Variants in ST8SIA2 observed in about 807,000 individuals in gnomAD.
ST8SIA2 encodes the protein alpha-2,8-sialyltransferase 8B.
ST8SIA2 carries 22 observed loss-of-function variants against 37.6 expected under a neutral mutation model. That is an observed-to-expected ratio of 0.58 (90% CI 0.42 to 0.83). ST8SIA2 has a LOEUF of 0.83. Among genes scored for constraint, ST8SIA2 ranks in the 40% least tolerant of loss-of-function variants. ST8SIA2 has a pLI of 0.00. For missense variants in ST8SIA2, 382 were observed against 484.7 expected (o/e 0.79, Z 1.99); for synonymous variants, 205 against 201.2 (o/e 1.02, Z -0.16).
chr15:92,402,784 C>T (rs2049480909), intron 1 of ST8SIA2, among the ~76,000 whole-genome samples: 1 of 152,186 alleles, frequency 6.6e-6, no homozygotes, highest in Non-Finnish European at 1.5e-5. Flanking sequence ...CTCACACCAG[C>T]TTCCCCGCAC....
rs1324143828 is a variant in ST8SIA2, at chr15:92,464,706, T to G, written c.*321T>G. The G allele has an allele frequency of 1.7e-5, 6 of 361,134 alleles. No individual in the cohort carries two copies. The highest frequency in any genetic ancestry group is 4.2e-5 in the Admixed American group (1 of 23,622). 22.4% of individuals were successfully genotyped at this position (361,134 alleles called of 1,614,324 possible). On this transcript the variant is annotated 3_prime_UTR_variant, in exon 6 of 6. Coordinates refer to ENST00000268164, the MANE Select transcript of ST8SIA2 (RefSeq NM_006011.4). ...ATGAAAAGAAGCCAGTCCCATGACTTTGGATGACAAACTGCCTCCTGGCTT... is the reference window on the plus strand; with the variant it reads ...ATGAAAAGAAGCCAGTCCCATGACTGTGGATGACAAACTGCCTCCTGGCTT...
chr15:92,435,460 A>T (rs1327965842), intron 3 of ST8SIA2, among the ~76,000 whole-genome samples: 1 of 152,106 alleles, frequency 6.6e-6, no homozygotes, highest in Non-Finnish European at 1.5e-5. Flanking sequence ...TTGGGACGAT[A>T]GGCAGGACCA....
intron 5 of ST8SIA2, among the ~76,000 whole-genome samples, chr15:92,463,499 T>C (rs901860658): frequency 6.6e-6 from 1 of 152,092 alleles, no homozygotes; most frequent in Non-Finnish European, 1.5e-5. Context: ...GAATCAGGAA[T>C]GCAGATCCGC....
intron 1 of ST8SIA2, among the ~76,000 whole-genome samples, chr15:92,396,902 C>T (rs1445583671): frequency 6.6e-6 from 1 of 152,222 alleles, no homozygotes; most frequent in Non-Finnish European, 1.5e-5. Context: ...GTCAAGAGGG[C>T]TCCGCCTTCC....
intron 5 of ST8SIA2, 123 bp downstream of exon 5, chr15:92,445,052 A>C: frequency 7.0e-7 from 1 of 1,429,752 alleles, no homozygotes; most frequent in Non-Finnish European, 9.7e-7. Flanking sequence ...GGATGGCCTC[A>C]GCAAGTCACC....
intron 5 of ST8SIA2, among the ~76,000 whole-genome samples, chr15:92,449,734 G>A (rs1240475719): frequency 1.3e-5 from 2 of 152,226 alleles, no homozygotes; most frequent in Non-Finnish European, 2.9e-5. Context: ...GTTTTGATTT[G>A]CATTTCTCTG....
intron 1 of ST8SIA2, among the ~76,000 whole-genome samples, chr15:92,399,100 C>G (rs769107385): frequency 2.0e-4 from 30 of 152,198 alleles, no homozygotes; most frequent in Non-Finnish European, 3.7e-4. Context: ...TAGGTATGAG[C>G]ATTCCAGACT....
At chr15:92,402,890 GA>G (rs2049482029) in intron 1 of ST8SIA2, among the ~76,000 whole-genome samples, 1 of 152,134 alleles carries the variant, frequency 6.6e-6, no homozygotes, top group African/African-American at 2.4e-5. Flanking sequence ...AGAGAGAAGA[GA>G]AAAACAACAC....
chr15:92,422,605 G>A (rs994986836), intron 1 of ST8SIA2: 1 of 152,598 alleles, frequency 6.6e-6, no homozygotes, highest in African/African-American at 2.4e-5. Flanking sequence ...ACTGTGTTGG[G>A]GTGACTGAAG....
chr15:92,421,641 A>C (rs899805334), intron 1 of ST8SIA2, among the ~76,000 whole-genome samples: 4 of 152,216 alleles, frequency 2.6e-5, no homozygotes, highest in Non-Finnish European at 5.9e-5. Context: ...TGATTTGTTC[A>C]GCTATAATTA....
intron 1 of ST8SIA2, among the ~76,000 whole-genome samples, chr15:92,424,698 G>A (rs1282864554): frequency 6.7e-6 from 1 of 150,348 alleles, no homozygotes; most frequent in East Asian, 1.9e-4. Context: ...TGCAACCTCT[G>A]CCTCCTGGGT....
intron 1 of ST8SIA2, among the ~76,000 whole-genome samples, chr15:92,418,314 AT>A (rs894114959): frequency 1.3e-5 from 2 of 151,506 alleles, no homozygotes; most frequent in African/African-American, 2.4e-5. Context: ...CAAAAAAAAA[AT>A]ATGGGGCATG....
chr15:92,447,236 A>G (rs1034345100), intron 5 of ST8SIA2, among the ~76,000 whole-genome samples: 2 of 152,178 alleles, frequency 1.3e-5, no homozygotes, highest in African/African-American at 4.8e-5. Context: ...AAAGAGAAAA[A>G]TCCAGGATGA....
chr15:92,463,570 T>G (rs2049971333), intron 5 of ST8SIA2, among the ~76,000 whole-genome samples: 1 of 152,204 alleles, frequency 6.6e-6, no homozygotes, highest in East Asian at 1.9e-4. Flanking sequence ...GCCAGTGGTT[T>G]CTCAGAGGTC....
intron 1 of ST8SIA2, among the ~76,000 whole-genome samples, chr15:92,404,281 T>C (rs2049491624): frequency 6.6e-6 from 1 of 152,218 alleles, no homozygotes; most frequent in Non-Finnish European, 1.5e-5. Context: ...CAGTCTTCAG[T>C]GGAACACTTA....
At chr15:92,439,295 A>G (rs974956113) in intron 4 of ST8SIA2, among the ~76,000 whole-genome samples, 23 of 152,212 alleles carry the variant, frequency 1.5e-4, no homozygotes, top group Non-Finnish European at 2.2e-4. Flanking sequence ...CGGGAGTAAC[A>G]GAGAAACTTG....
chr15:92,454,843 A>C lies in ST8SIA2; in HGVS notation c.843-9257A>C, dbSNP rs532664896. Reference sequence around the variant, plus strand: ...CACTGAGGCAATTGAGTATGGCCTCAGGCAGCTGGTGGTGAATGGCTCTAA... The same window carrying C: ...CACTGAGGCAATTGAGTATGGCCTCCGGCAGCTGGTGGTGAATGGCTCTAA... On this transcript the variant is annotated intron_variant, in intron 5 of 5. Coordinates refer to ENST00000268164, the MANE Select transcript of ST8SIA2 (RefSeq NM_006011.4). Among the ~76,000 whole-genome samples the C allele has an allele frequency of 4.6e-5, 7 of 152,056 alleles. No homozygotes were observed. In the South Asian group the frequency reaches 1.2e-3, roughly 27 times the overall value.
chr15:92,429,911 C>CTCT, intron 1 of ST8SIA2, 138 bp from the exon 2 acceptor site: 1 of 914,860 alleles, frequency 1.1e-6, no homozygotes, highest in African/African-American at 1.6e-5. Context: ...AGGACTTTGC[C>CTCT]CATTCTGCAG....
rs533740125 is a variant in ST8SIA2 at position 92,439,461 on chromosome 15, A to G, written c.548+851A>G. On this transcript the variant is annotated intron_variant, in intron 4 of 5. Transcript: ENST00000268164. ...GCTTTGCTGTCTCCAGGTCAAAATTAGGGCACGCGGAGCCTCGAGTTTCAT... is the reference window on the plus strand; with the variant it reads ...GCTTTGCTGTCTCCAGGTCAAAATTGGGGCACGCGGAGCCTCGAGTTTCAT... 2.6e-5 allele frequency among the ~76,000 whole-genome samples: 4 copies of G among 152,328 alleles called. No individual in the cohort carries two copies. The East Asian group carries it at 7.7e-4, about 29-fold the overall frequency.
Sources: allele counts gnomAD v4.1 joint callset (sites outside exome capture counted in the v4.1 genomes callset), GRCh38; gene constraint gnomAD v4.1.1; transcripts MANE v1.5; gene names NCBI Gene and HGNC (gene_info 2026-07-23, HGNC 2026-07-21).